Variants in PDE6A observed in about 807,000 individuals in gnomAD.
PDE6A encodes phosphodiesterase 6A, also known as rod cGMP-specific 3',5'-cyclic phosphodiesterase subunit alpha.
Under a neutral mutation model 106.3 loss-of-function variants are expected in PDE6A, and 84 were observed. The ratio of observed to expected loss-of-function variants is 0.79; its 90% confidence interval spans 0.66 to 0.95. The LOEUF is 0.95. Among genes scored for constraint, PDE6A ranks in the 40% least tolerant of loss-of-function variants. PDE6A has a pLI of 0.00. For synonymous variants in PDE6A, 394 were observed against 386.6 expected, an observed-to-expected ratio of 1.02 and a Z score of -0.23; for missense variants, 1,052 against 1,084.9, an observed-to-expected ratio of 0.97 and a Z score of 0.43.
intron 4 of PDE6A, among the ~76,000 whole-genome samples, chr5:149,925,191 G>A (rs140410826): frequency 3.2e-3 from 483 of 152,124 alleles, no homozygotes; most frequent in Non-Finnish European, 5.3e-3. Flanking sequence ...AAATCTAGAG[G>A]GGAAACAGAT....
At position 149,944,734 on chromosome 5, in the gene PDE6A, T is replaced by G; in HGVS notation, c.-61A>C. On this transcript the variant is annotated 5_prime_UTR_variant, in exon 1 of 22. Transcript: ENST00000255266. Reference sequence around the variant, plus strand: ...TGGGACGGAGGCCTTCCAATGGCAGTTTTGCAGTCTGCAACAAGTCCAGTC... The same window carrying G: ...TGGGACGGAGGCCTTCCAATGGCAGGTTTGCAGTCTGCAACAAGTCCAGTC... The G allele has an allele frequency of 7.3e-7, 1 of 1,375,342 alleles. No homozygotes were observed. Among genetic ancestry groups the G allele is most frequent in the Non-Finnish European group, 1.0e-6 (1 of 992,428 alleles). The allele number at this position is 1,375,342 out of a possible 1,614,324, so 85.2% of individuals were successfully genotyped here.
intron 4 of PDE6A, 43 bp from the exon 5 acceptor site, chr5:149,921,752 T>C (rs1165476578): frequency 6.6e-7 from 1 of 1,513,708 alleles, no homozygotes; most frequent in Non-Finnish European, 9.2e-7. Flanking sequence ...TGAAAAGAGA[T>C]CAAGGAAAGG....
At chr5:149,890,687 A>G (rs1388788266) in intron 13 of PDE6A, among the ~76,000 whole-genome samples, 1 of 152,148 alleles carries the variant, frequency 6.6e-6, no homozygotes, top group Non-Finnish European at 1.5e-5. Context: ...TCACTCTGCT[A>G]CTTTCCTGAG....
chr5:149,936,866 A>G (rs1312659856), intron 1 of PDE6A, among the ~76,000 whole-genome samples: 2 of 152,226 alleles, frequency 1.3e-5, no homozygotes, highest in African/African-American at 2.4e-5. Flanking sequence ...AAAGTGATTC[A>G]TCCATTCAGT....
intron 17 of PDE6A, among the ~76,000 whole-genome samples, chr5:149,868,684 C>T (rs1409593711): frequency 6.6e-6 from 1 of 152,136 alleles, no homozygotes; most frequent in Admixed American, 6.5e-5. Flanking sequence ...TGCCAACGAG[C>T]CTTTTTAGAT....
In PDE6A at chr5:149,898,395, T is replaced by C; in HGVS notation, c.1375A>G (p.Lys459Glu). Residue 459 changes from lysine (K) to glutamate (E), a missense_variant, in exon 10 of 22, where the codon AAG (lysine) becomes GAG (glutamate). Lys to Glu is a moderately conservative substitution (Grantham distance 56). This residue lies in a region of PDE6A where 913 missense variants were observed against 915.2 expected (regional missense o/e 1.00). Transcript: ENST00000255266. Reference sequence around the variant, plus strand: ...TTCTGAATTTCTTCATTGTCACACTTCACATGATATTTTACTATGTCCTGG... The same window carrying C: ...TTCTGAATTTCTTCATTGTCACACTCCACATGATATTTTACTATGTCCTGG... ...IFQDIVKYHV[K>E]CDNEEIQKIL... 1 of 1,613,536 alleles carries C rather than the reference T, an allele frequency of 6.2e-7. No homozygotes were observed. Among genetic ancestry groups the C allele is most frequent in the Non-Finnish European group, 8.5e-7 (1 of 1,179,478 alleles).
intron 5 of PDE6A, among the ~76,000 whole-genome samples, chr5:149,917,213 G>A (rs1056989601): frequency 1.2e-4 from 19 of 152,038 alleles, no homozygotes; most frequent in African/African-American, 4.6e-4. Flanking sequence ...CATACTGGAG[G>A]CGTGACTCAC....
At chr5:149,927,132 C>T (rs1366248132) in intron 4 of PDE6A, among the ~76,000 whole-genome samples, 1 of 152,072 alleles carries the variant, frequency 6.6e-6, no homozygotes, top group Non-Finnish European at 1.5e-5. Flanking sequence ...AGTGCACTTG[C>T]ATTACTCCAG....
rs1388230917 is a variant in PDE6A at position 149,884,822 on chromosome 5, T to A, written c.1884A>T (p.Glu628Asp). Residue 628 changes from glutamate to aspartate, a missense_variant, in exon 15 of 22, where the codon GAA becomes GAT. Glu to Asp is a conservative substitution (Grantham distance 45). Transcript: ENST00000255266. ...TTTTGCCAAACTCCAAGTGGTGTCTTTCCAAGATAGAGGACCCATGGAGCT... is the reference window on the plus strand; with the variant it reads ...TTTTGCCAAACTCCAAGTGGTGTCTATCCAAGATAGAGGACCCATGGAGCT... ...LAKLHGSSILERHHLEFGKTL... is the reference protein window; with the variant it reads ...LAKLHGSSILDRHHLEFGKTL... 4 of 1,614,182 alleles carry A rather than the reference T, an allele frequency of 2.5e-6. No individual in the cohort carries two copies. The Admixed American group carries it at 6.7e-5, about 27-fold the overall frequency.
In PDE6A at chr5:149,895,230, A is replaced by G. The variant is rs1170046570; in HGVS notation, c.1681T>C (p.Trp561Arg). 5.6e-6 allele frequency: 9 copies of G among 1,614,006 alleles called. No homozygotes were observed. In the African/African-American group the frequency reaches 8.0e-5, roughly 14 times the overall value. Residue 561 changes from tryptophan to arginine, a missense_variant, in exon 13 of 22, where the codon TGG (tryptophan) becomes CGG (arginine). Around this residue, in one of 3 missense-constraint regions of PDE6A, gnomAD observed 913 missense variants for 915.2 expected, o/e 1.00. Transcript: ENST00000255266. The stretch of plus-strand genomic sequence containing the variant: ...TGCCCCACGTTGAAGCCGTGCCGCC[A>G]GTTGTGGTAGGTGATCTTGCGGTAG... ...KGYRKITYHN[W>R]RHGFNVGQTM...
intron 21 of PDE6A, among the ~76,000 whole-genome samples, chr5:149,862,254 C>A (rs747427214): frequency 2.0e-5 from 3 of 152,108 alleles, no homozygotes; most frequent in Non-Finnish European, 2.9e-5. Context: ...CAAACAAATC[C>A]CATTTGATTC....
At chr5:149,921,792 G>A in intron 4 of PDE6A, 83 bp from the exon 5 acceptor site, 1 of 1,053,688 alleles carries the variant, frequency 9.5e-7, no homozygotes, top group Non-Finnish European at 1.5e-6. Flanking sequence ...CCATGAGTCA[G>A]CTAACACTGA....
At position 149,860,653 on chromosome 5, in the gene PDE6A, A is replaced by ATTTT; in HGVS notation, c.*238_*241dup. The stretch of plus-strand genomic sequence containing the variant: ...CATTATGAAATTTTTTTTTTTGGCG[A>ATTTT]TTTTTTTTTTTAAGTTCAACAGCTA... On this transcript the variant is annotated 3_prime_UTR_variant, in exon 22 of 22. Transcript: ENST00000255266. The ATTTT allele has an allele frequency of 3.0e-6, 1 of 335,546 alleles. No homozygotes were observed. The highest frequency in any genetic ancestry group is 5.4e-6 in the Non-Finnish European group (1 of 183,626). 20.8% of individuals were successfully genotyped at this position (335,546 alleles called of 1,614,324 possible).
intron 17 of PDE6A, among the ~76,000 whole-genome samples, chr5:149,882,831 G>T (rs1164228630): frequency 6.6e-6 from 1 of 152,184 alleles, no homozygotes; most frequent in Non-Finnish European, 1.5e-5. Context: ...ACAGAGGTGG[G>T]TGTATCACTT....
At chr5:149,916,592 C>A (rs1753562002) in intron 5 of PDE6A, among the ~76,000 whole-genome samples, 1 of 152,184 alleles carries the variant, frequency 6.6e-6, no homozygotes, top group African/African-American at 2.4e-5. Context: ...AAGCAGAGCT[C>A]TTCAATTACA....
At chr5:149,922,595 A>T (rs1418570379) in intron 4 of PDE6A, among the ~76,000 whole-genome samples, 1 of 152,222 alleles carries the variant, frequency 6.6e-6, no homozygotes, top group Non-Finnish European at 1.5e-5. Context: ...TACAGGCATC[A>T]GCCACCATGC....
chr5:149,868,507 C>T (rs1220317198), intron 17 of PDE6A, among the ~76,000 whole-genome samples: 1 of 152,184 alleles, frequency 6.6e-6, no homozygotes, highest in East Asian at 1.9e-4. Context: ...ATGGTATATG[C>T]ATAAGGAACA....
At chr5:149,940,141 C>T (rs980186983) in intron 1 of PDE6A, 27 of 152,158 alleles carry the variant, frequency 1.8e-4, no homozygotes, top group African/African-American at 5.3e-4. Flanking sequence ...CAGGATCTGC[C>T]ACTTTCTATC....
chr5:149,867,653 T>G, intron 19 of PDE6A, 72 bp downstream of exon 19: 2 of 1,299,994 alleles, frequency 1.5e-6, no homozygotes, highest in South Asian at 2.4e-5. Flanking sequence ...CTCTCCATCA[T>G]GGCGAGGTCA....
Sources: allele counts gnomAD v4.1 joint callset (sites outside exome capture counted in the v4.1 genomes callset), GRCh38; gene constraint gnomAD v4.1.1; regional missense constraint gnomAD v4.1.1; transcripts MANE v1.5; gene names NCBI Gene and HGNC (gene_info 2026-07-23, HGNC 2026-07-21).